The following CCDC159 variants were observed in gnomAD, a reference collection of about 807,000 sequenced individuals.
The protein encoded by CCDC159 is coiled-coil domain-containing protein 159.
CCDC159 carries 40 observed loss-of-function variants against 50.9 expected under a neutral mutation model. The observed-to-expected ratio is 0.79, with a 90% CI of 0.61 to 1.02. CCDC159 has a LOEUF of 1.02. Ranked by LOEUF, CCDC159 falls within the 50% of genes least tolerant of loss-of-function variation. The probability of loss-of-function intolerance (pLI) is 0.00; values close to 1 mark genes in which losing one functional copy is unlikely to be tolerated. For missense variants in CCDC159, 356 were observed against 371.5 expected (o/e 0.96, Z 0.34); for synonymous variants, 146 against 138.9 (o/e 1.05, Z -0.36).
At chr19:11,351,037 C>T in intron 5 of CCDC159, 34 bp downstream of exon 5, 1 of 1,493,912 alleles carries the variant, frequency 6.7e-7, no homozygotes, top group Non-Finnish European at 9.0e-7. Flanking sequence ...TTGGAGTCCA[C>T]AGGAGGGAAG....
intron 9 of CCDC159, 112 bp from the exon 10 acceptor site, chr19:11,354,468 G>A: frequency 2.0e-6 from 2 of 994,144 alleles, no homozygotes; most frequent in Non-Finnish European, 2.9e-6. Context: ...TCACATTCAA[G>A]GGAATTGGGG....
At chr19:11,347,353 G>A (rs573581406) in intron 1 of CCDC159, among the ~76,000 whole-genome samples, 1 of 152,260 alleles carries the variant, frequency 6.6e-6, no homozygotes, top group African/African-American at 2.4e-5. Flanking sequence ...TGTTTGAGAC[G>A]GAGTTTCGCT....
chr19:11,353,136 T>C (rs1001620277), intron 7 of CCDC159, among the ~76,000 whole-genome samples: 1 of 152,114 alleles, frequency 6.6e-6, no homozygotes, highest in Non-Finnish European at 1.5e-5. Flanking sequence ...GTTTCCCTCT[T>C]GTTGCCCAGG....
In CCDC159 at chr19:11,350,844, AG is replaced by A. The variant is rs781405345; in HGVS notation, c.265del (p.Glu89SerfsTer17). On this transcript the variant is annotated frameshift_variant, in exon 5 of 11. Coordinates refer to ENST00000458408, the MANE Select transcript of CCDC159 (RefSeq NM_001080503.3). LOFTEE classifies it high-confidence loss of function. ...CCCACAGGCCGCCAGGGAGAGAAGG[AG>A]GAGCACAAGTGGGGCATGGAGCAGG... ...LSPTGRQGEK[E>X]EHKWGMEQGR... The A allele has an allele frequency of 2.7e-5, 42 of 1,551,144 alleles. No individual in the cohort carries two copies. The Admixed American group carries it at 8.2e-4, about 30-fold the overall frequency.
At chr19:11,348,803 T>C (rs1280302382) in intron 1 of CCDC159, 1 of 538,392 alleles carries the variant, frequency 1.9e-6, no homozygotes, top group Non-Finnish European at 3.6e-6. Flanking sequence ...GTGTCCTGCC[T>C]CTACTCACCT....
In CCDC159 at chr19:11,348,607, A is replaced by C. The variant is rs1599379227; in HGVS notation, c.22-1047A>C. 7 of 393,764 alleles carry C rather than the reference A, an allele frequency of 1.8e-5. No homozygotes were observed. In the East Asian group the frequency reaches 5.1e-4, roughly 29 times the overall value. 24.4% of individuals were successfully genotyped at this position (393,764 alleles called of 1,614,324 possible). ...GCTGGCCGCGTCTGGCCTTGGGATC[A>C]TCTTTTATCCAGCTTTGGCTCCTAC... On this transcript the variant is annotated intron_variant, in intron 1 of 10. Transcript: ENST00000458408.
In CCDC159 at chr19:11,353,952, T is replaced by C; in HGVS notation, c.772+78T>C. ...AGGGAGGCTATGTTCAGAGAGCCTATTTGGGAGTCACATCTGATGGGTGTT... is the reference window on the plus strand; with the variant it reads ...AGGGAGGCTATGTTCAGAGAGCCTACTTGGGAGTCACATCTGATGGGTGTT... On this transcript the variant is annotated intron_variant, in intron 9 of 10. Coordinates refer to ENST00000458408, the MANE Select transcript of CCDC159 (RefSeq NM_001080503.3). The C allele has an allele frequency of 9.2e-6, 11 of 1,190,194 alleles. No individual in the cohort carries two copies. The South Asian group carries it at 1.5e-4, about 17-fold the overall frequency. 73.7% of individuals were successfully genotyped at this position (1,190,194 alleles called of 1,614,324 possible).
intron 1 of CCDC159, chr19:11,349,242 TCTAC>T: frequency 8.6e-7 from 1 of 1,163,750 alleles, no homozygotes; most frequent in Non-Finnish European, 1.1e-6. Context: ...ACCACTGCAA[TCTAC>T]TGCTGTGGGG....
At position 11,351,734 on chromosome 19, in the gene CCDC159, CAGA is replaced by C. The variant is rs1967593664; in HGVS notation, c.423-169_423-167del. On this transcript the variant is annotated intron_variant, in intron 5 of 10. Coordinates refer to ENST00000458408, the MANE Select transcript of CCDC159 (RefSeq NM_001080503.3). ...ACTGAGAGAATGGGAGGCTGGGGAT[CAGA>C]AGGAGAGGAGGGGGATGAGGGTAGG... is the stretch of plus-strand genomic sequence containing the variant. 5 of 542,052 alleles carry C rather than the reference CAGA, an allele frequency of 9.2e-6. No individual in the cohort carries two copies. In the East Asian group the frequency reaches 1.2e-4, roughly 13 times the overall value. 33.6% of individuals were successfully genotyped at this position (542,052 alleles called of 1,614,324 possible).
intron 1 of CCDC159, among the ~76,000 whole-genome samples, chr19:11,347,256 A>G (rs759898449): frequency 1.3e-5 from 2 of 152,176 alleles, no homozygotes; most frequent in African/African-American, 2.4e-5. Flanking sequence ...CCGGCACTCA[A>G]TTAGGTGCTC....
intron 1 of CCDC159, chr19:11,349,103 C>T (rs1448288174): frequency 1.5e-6 from 2 of 1,348,918 alleles, no homozygotes; most frequent in South Asian, 1.1e-5. Context: ...AGGGCCTTCG[C>T]CACATGAGGC....
chr19:11,352,115 G>T lies in CCDC159; in HGVS notation c.549G>T (p.Thr183=), dbSNP rs368228237. 5 of 1,613,652 alleles carry T rather than the reference G, an allele frequency of 3.1e-6. No homozygotes were observed. Among genetic ancestry groups the T allele is most frequent in the Non-Finnish European group, 4.2e-6 (5 of 1,179,830 alleles). ...TGAACATTCAGAAAATGCAGAAAACGCAGGTGAAATGCCGCAAAGTGAGTG... is the reference window on the plus strand; with the variant it reads ...TGAACATTCAGAAAATGCAGAAAACTCAGGTGAAATGCCGCAAAGTGAGTG... ...NLVNIQKMQK[T]QVKCRKILTK... is the part of the protein sequence containing the mutation. Residue 183 remains threonine (T), a synonymous_variant, in exon 7 of 11, where the codon ACG becomes ACT. Coordinates refer to ENST00000458408, the MANE Select transcript of CCDC159 (RefSeq NM_001080503.3).
At position 11,349,318 on chromosome 19, in the gene CCDC159, C is replaced by T. The variant is rs1023330593; in HGVS notation, c.22-336C>T. The T allele has an allele frequency of 2.4e-5, 14 of 571,884 alleles. No homozygotes were observed. The African/African-American group carries it at 2.5e-4, about 10-fold the overall frequency. 35.4% of individuals were successfully genotyped at this position (571,884 alleles called of 1,614,324 possible). The stretch of plus-strand genomic sequence containing the variant: ...GAATGCACCCACTGTGTTTCTTCAG[C>T]ACCTAGAACAGCACCTGGCACTCAG... On this transcript the variant is annotated intron_variant, in intron 1 of 10. Transcript: ENST00000458408.
At chr19:11,346,710 C>A (rs1967254975) in intron 1 of CCDC159, 83 bp downstream of exon 1, 1 of 1,456,580 alleles carries the variant, frequency 6.9e-7, no homozygotes, top group South Asian at 1.2e-5. Context: ...GACCCCGCCC[C>A]CTCCCTAAAT....
chr19:11,352,181 A>T (rs1313386850), intron 7 of CCDC159, 48 bp downstream of exon 7: 48 of 1,588,136 alleles, frequency 3.0e-5, no homozygotes, highest in Non-Finnish European at 3.9e-5. Flanking sequence ...AGAGGGAGGG[A>T]TGGGGATTTT....
At chr19:11,347,688 C>A (rs536379225) in intron 1 of CCDC159, among the ~76,000 whole-genome samples, 19 of 152,274 alleles carry the variant, frequency 1.2e-4, no homozygotes, top group Admixed American at 3.9e-4. Context: ...GGCAGAGGGC[C>A]TGGCAAGGGT....
In CCDC159 at chr19:11,352,068, G is replaced by A. The variant is rs1967617354; in HGVS notation, c.502G>A (p.Asp168Asn). The change falls in exon 7 of 11, where the codon GAT (aspartate) becomes AAT (asparagine). Residue 168 changes from aspartate to asparagine, a missense_variant. By Grantham distance (23) the Asp-to-Asn change is conservative. Transcript: ENST00000458408. The stretch of plus-strand genomic sequence containing the variant: ...CCCTCCCTCCACAGAAGCGCAGGAG[G>A]ATGAGATCTCAGAGAACTTGGTGAA... ...FIYQKLQAQE[D>N]EISENLVNIQ... is the part of the protein sequence containing the mutation. 2 of 1,613,636 alleles carry A rather than the reference G, an allele frequency of 1.2e-6. No homozygotes were observed. The highest frequency in any genetic ancestry group is 1.3e-5 in the African/African-American group (1 of 74,868).
At chr19:11,348,691 TG>T in intron 1 of CCDC159, 1 of 459,176 alleles carries the variant, frequency 2.2e-6, no homozygotes. Flanking sequence ...AGGGAGGGTC[TG>T]GGGGCACTGG....
rs746923821 is a variant in CCDC159, at chr19:11,354,637, A to T, written c.830A>T (p.Asp277Val). 3 of 1,605,682 alleles carry T rather than the reference A, an allele frequency of 1.9e-6. No homozygotes were observed. The highest frequency in any genetic ancestry group is 2.6e-6 in the Non-Finnish European group (3 of 1,176,156). The change falls in exon 10 of 11, where the codon GAC becomes GTC. Residue 277 changes from aspartate to valine, a missense_variant. By Grantham distance (152) the Asp-to-Val change is radical. Coordinates refer to ENST00000458408, the MANE Select transcript of CCDC159 (RefSeq NM_001080503.3). ...CTCCCCTCCTGGGACTCTGACTCCG[A>T]CTGTGACCAGGACCTCTCCCAGCCA... ...PPLPSWDSDS[D>V]CDQDLSQPPF...
Sources: gnomAD v4.1 joint callset for allele counts (sites outside exome capture counted in the v4.1 genomes callset) on GRCh38, gnomAD v4.1.1 for gene constraint, MANE v1.5 for transcripts, NCBI Gene and HGNC (gene_info 2026-07-23, HGNC 2026-07-21) for gene names.